The following ZNF180 variants were observed in gnomAD, a reference collection of about 807,000 sequenced individuals.
ZNF180 encodes zinc finger protein 180 (HHZ168).
ZNF180 carries 11 observed loss-of-function variants against 11.8 expected under a neutral mutation model. That is an observed-to-expected ratio of 0.93 (90% CI 0.59 to 1.55). The LOEUF is 1.55. Among genes scored for constraint, ZNF180 ranks in the 40% most tolerant of loss-of-function variants. ZNF180 has a pLI of 0.00. For synonymous variants in ZNF180, 287 were observed against 257.7 expected (o/e 1.11, Z -1.09); for missense variants, 773 against 781.7 (o/e 0.99, Z 0.13).
intron 3 of ZNF180, among the ~76,000 whole-genome samples, chr19:44,479,649 T>C (rs1487624605): frequency 1.3e-5 from 2 of 152,236 alleles, no homozygotes; most frequent in African/African-American, 2.4e-5. Flanking sequence ...AGAACTGATA[T>C]AAACTATTTT....
chr19:44,486,964 A>C (rs1001818602), intron 2 of ZNF180, among the ~76,000 whole-genome samples: 14 of 152,168 alleles, frequency 9.2e-5, no homozygotes, highest in African/African-American at 3.4e-4. Context: ...GAATCACCTG[A>C]ACCGGAAGTT....
intron 3 of ZNF180, among the ~76,000 whole-genome samples, chr19:44,482,822 T>C (rs2686758): frequency 0.62 from 93,828 of 152,112 alleles, 30,075 homozygotes; most frequent in East Asian, 0.89. Context: ...ATTAGCAGTA[T>C]TATTTTTTTC....
chr19:44,475,226 C>T lies in ZNF180; in HGVS notation c.*1176G>A, dbSNP rs2571051. 80,757 of 151,982 alleles carry T rather than the reference C, an allele frequency of 0.53. 22,150 individuals are homozygous for T. The highest frequency in any genetic ancestry group is 0.7 in the South Asian group (3,369 of 4,824). 9.4% of individuals were successfully genotyped at this position (151,982 alleles called of 1,614,324 possible). A position where few individuals can be genotyped will look rare whatever the true frequency, so the allele number is the denominator to read the frequency against. ...TGCCTCATGAAAGCATTTTTGCAAG[C>T]ATAATTTAGACGGTCAGCACTGAGC... On this transcript the variant is annotated 3_prime_UTR_variant, in exon 5 of 5. Transcript: ENST00000592529.
At position 44,497,329 on chromosome 19, in the gene ZNF180, T is replaced by A. The variant is rs1970615912; in HGVS notation, c.6A>T (p.Glu2Asp). M[E>D]EQDEKPPEPP... ...GCTCTGGGGGCTTCTCATCCTGCTC[T>A]TCCATGCTCTCCTCCAGGCACAGCA... Residue 2 changes from glutamate (E) to aspartate (D), a missense_variant, in exon 2 of 5, where the codon GAA (glutamate) becomes GAT (aspartate). Physicochemically the swap from Glu to Asp is conservative, Grantham distance 45. Transcript: ENST00000592529. The A allele has an allele frequency of 6.3e-7, 1 of 1,597,226 alleles. No homozygotes were observed. The highest frequency in any genetic ancestry group is 1.4e-5 in the African/African-American group (1 of 73,600).
chr19:44,476,548 T>A lies in ZNF180; in HGVS notation c.1852A>T (p.Ser618Cys). The A allele has an allele frequency of 6.2e-7, 1 of 1,614,170 alleles. No homozygotes were observed. Among genetic ancestry groups the A allele is most frequent in the South Asian group, 1.1e-5 (1 of 91,078 alleles). The change falls in exon 5 of 5, where the codon AGT (serine) becomes TGT (cysteine). Residue 618 changes from serine (S) to cysteine (C), a missense_variant. Physicochemically the swap from Ser to Cys is moderately radical, Grantham distance 112. Coordinates refer to ENST00000592529, the MANE Select transcript of ZNF180 (RefSeq NM_001278509.3). Reference protein sequence around the residue: ...CNQCGKTFSLSARLIVHQRTH... With the variant: ...CNQCGKTFSLCARLIVHQRTH... ...CTTTGATGCACAATAAGTCGAGCAC[T>A]CAAGCTAAATGTTTTTCCACACTGA...
chr19:44,498,176 T>C lies in ZNF180; in HGVS notation c.-43-799A>G, dbSNP rs960598444. 3.9e-5 allele frequency among the ~76,000 whole-genome samples: 6 copies of C among 152,146 alleles called. No individual in the cohort carries two copies. In the South Asian group the frequency reaches 8.3e-4, roughly 21 times the overall value. ...GCCTGAAACTACAACAAGGCCTGCA[T>C]AGGGCTGGGGGCCTCCAACAGACAC... On this transcript the variant is annotated intron_variant, in intron 1 of 4. Coordinates refer to ENST00000592529, the MANE Select transcript of ZNF180 (RefSeq NM_001278509.3).
chr19:44,479,657 T>C (rs968118212), intron 3 of ZNF180, among the ~76,000 whole-genome samples: 2 of 152,184 alleles, frequency 1.3e-5, no homozygotes, highest in African/African-American at 2.4e-5. Flanking sequence ...TATAAACTAT[T>C]TTATTTTGTC....
At chr19:44,499,407 T>C (rs1217752718) in intron 1 of ZNF180, among the ~76,000 whole-genome samples, 1 of 152,200 alleles carries the variant, frequency 6.6e-6, no homozygotes, top group African/African-American at 2.4e-5. Flanking sequence ...GCTGGCAACA[T>C]ACTGCTTCCT....
intron 2 of ZNF180, among the ~76,000 whole-genome samples, chr19:44,485,842 A>G (rs1201578316): frequency 6.6e-6 from 1 of 152,236 alleles, no homozygotes; most frequent in East Asian, 1.9e-4. Context: ...TTATTAATTC[A>G]TGTACAGAGT....
intron 1 of ZNF180, among the ~76,000 whole-genome samples, chr19:44,498,152 C>A (rs1970638565): frequency 6.6e-6 from 1 of 152,108 alleles, no homozygotes. Flanking sequence ...TATACTCAGG[C>A]CTGAAACTAC....
At chr19:44,479,519 G>A (rs561872299) in intron 3 of ZNF180, 110 bp from the exon 4 acceptor site, 8 of 1,458,346 alleles carry the variant, frequency 5.5e-6, no homozygotes, top group African/African-American at 1.4e-5. Flanking sequence ...CCTGGGAGTT[G>A]TCCTTAAATT....
chr19:44,480,306 T>A (rs1415602567), intron 3 of ZNF180, among the ~76,000 whole-genome samples: 2 of 152,080 alleles, frequency 1.3e-5, no homozygotes, highest in East Asian at 3.9e-4. Context: ...ACCCTCAATA[T>A]ATTGCTTAGG....
rs1233936160 is a variant in ZNF180, at chr19:44,476,694, T to C, written c.1706A>G (p.Gln569Arg). ...GGGCTTTTCTCCAGTATGAGTTCTC[T>C]GATGTACAACAAGAACATAACTCTG... Reference protein sequence around the residue: ...FSQSYVLVVHQRTHTGEKPYE... With the variant: ...FSQSYVLVVHRRTHTGEKPYE... Residue 569 changes from glutamine (Q) to arginine (R), a missense_variant, in exon 5 of 5, where the codon CAG (glutamine) becomes CGG (arginine). Gln to Arg is a conservative substitution (Grantham distance 43, BLOSUM62 1). Transcript: ENST00000592529. The C allele has an allele frequency of 1.9e-6, 3 of 1,614,234 alleles. No homozygotes were observed. The highest frequency in any genetic ancestry group is 2.5e-6 in the Non-Finnish European group (3 of 1,180,024).
At chr19:44,488,312 C>T (rs1314038098) in intron 2 of ZNF180, among the ~76,000 whole-genome samples, 2 of 136,490 alleles carry the variant, frequency 1.5e-5, no homozygotes, top group Admixed American at 7.2e-5. Context: ...CCTCTGATGC[C>T]GAGCCGAAGC....
intron 2 of ZNF180, among the ~76,000 whole-genome samples, chr19:44,493,461 T>C (rs981604276): frequency 6.6e-6 from 1 of 152,222 alleles, no homozygotes; most frequent in African/African-American, 2.4e-5. Context: ...CCTTCCAGGG[T>C]TCTAATATCC....
rs144530001 is a variant in ZNF180, at chr19:44,477,242, T to A, written c.1158A>T (p.Gln386His). 1.9e-6 allele frequency: 3 copies of A among 1,614,010 alleles called. No homozygotes were observed. The highest frequency in any genetic ancestry group is 2.5e-6 in the Non-Finnish European group (3 of 1,179,958). ...AACTCTGGCTAAAGGATTTCCCACA[T>A]TGATTACACCTGTAAGGTTTCTCTC... is the stretch of plus-strand genomic sequence containing the variant. The part of the protein sequence containing the change: ...HTGEKPYRCN[Q>H]CGKSFSQSYV... Residue 386 changes from glutamine (Q) to histidine (H), a missense_variant, in exon 5 of 5, where the codon CAA (glutamine) becomes CAT (histidine). Coordinates refer to ENST00000592529, the MANE Select transcript of ZNF180 (RefSeq NM_001278509.3).
At chr19:44,479,588 G>C in intron 3 of ZNF180, 179 bp from the exon 4 acceptor site, 1 of 690,102 alleles carries the variant, frequency 1.4e-6, no homozygotes, top group Non-Finnish European at 2.4e-6. Context: ...GAGCTCTTTG[G>C]GTTTTGGATG....
chr19:44,478,269 T>C (rs1488758485), intron 4 of ZNF180, 123 bp from the exon 5 acceptor site: 22 of 1,111,498 alleles, frequency 2.0e-5, no homozygotes, highest in African/African-American at 3.2e-5. Context: ...ACCGATAACC[T>C]AGGTTGAAAA....
rs1970165826 is a variant in ZNF180, at chr19:44,484,365, G to C, written c.122C>G (p.Ser41Cys). Residue 41 changes from serine (S) to cysteine (C), a missense_variant, in exon 3 of 5, where the codon TCT becomes TGT. Transcript: ENST00000592529. ...GEDTGSLTIP[S>C]QEGVNFKIVT... is the part of the protein sequence containing the mutation. ...CAGAGGCCTTGCCCAACCTACCTGA[G>C]ATGGGATGGTCAGAGACCCAGTGTC... The C allele has an allele frequency of 6.2e-7, 1 of 1,612,294 alleles. No homozygotes were observed. Among genetic ancestry groups the C allele is most frequent in the East Asian group, 2.2e-5 (1 of 44,866 alleles).
Sources: gnomAD v4.1 joint callset for allele counts (sites outside exome capture counted in the v4.1 genomes callset) on GRCh38, gnomAD v4.1.1 for gene constraint, MANE v1.5 for transcripts, NCBI Gene and HGNC (gene_info 2026-07-23, HGNC 2026-07-21) for gene names.